The following NRXN3 variants were observed in gnomAD, a reference collection of about 807,000 sequenced individuals.
The protein encoded by NRXN3 is neurexin III.
NRXN3 carries 32 observed loss-of-function variants against 137.6 expected under a neutral mutation model. The observed-to-expected ratio is 0.23, with a 90% CI of 0.18 to 0.31. NRXN3 has a LOEUF of 0.31. Among genes scored for constraint, NRXN3 ranks in the 10% least tolerant of loss-of-function variants. NRXN3 has a pLI of 1.00. For synonymous variants in NRXN3, 798 were observed against 784.5 expected, an observed-to-expected ratio of 1.02 and a Z score of -0.29; for missense variants, 1,574 against 2,062.5, an observed-to-expected ratio of 0.76 and a Z score of 4.59.
chr14:79,071,205 G>A (rs183802135), intron 15 of NRXN3, among the ~76,000 whole-genome samples: 9 of 122,306 alleles, frequency 7.4e-5, no homozygotes, highest in African/African-American at 1.1e-4. Flanking sequence ...CTAATTTAGC[G>A]GAAGAAACAC....
At chr14:79,115,265 C>T (rs530453933) in intron 15 of NRXN3, among the ~76,000 whole-genome samples, 6 of 145,538 alleles carry the variant, frequency 4.1e-5, no homozygotes, top group Admixed American at 1.4e-4. Context: ...ACGGAGGCTG[C>T]GGTCAGCCGA....
intron 16 of NRXN3, among the ~76,000 whole-genome samples, chr14:79,578,363 G>T (rs1292919796): frequency 6.6e-6 from 1 of 152,110 alleles, no homozygotes; most frequent in African/African-American, 2.4e-5. Context: ...TGGTGTCTGC[G>T]GTTTTTGGAG....
intron 11 of NRXN3, among the ~76,000 whole-genome samples, chr14:78,964,262 A>T (rs2099413401): frequency 3.3e-5 from 5 of 152,216 alleles, no homozygotes; most frequent in Admixed American, 2.0e-4. Flanking sequence ...GGCAAATATC[A>T]TTTTAATTAG....
intron 15 of NRXN3, among the ~76,000 whole-genome samples, chr14:79,095,842 C>T (rs2050214262): frequency 6.6e-6 from 1 of 152,058 alleles, no homozygotes; most frequent in Non-Finnish European, 1.5e-5. Context: ...TTCCTTCCTT[C>T]CTACTGATTA....
chr14:78,314,909 T>G (rs1174966229), intron 4 of NRXN3, among the ~76,000 whole-genome samples: 2 of 110,992 alleles, frequency 1.8e-5, no homozygotes, highest in Admixed American at 8.5e-5. Context: ...CTTTCTTTCT[T>G]TCTTTCTTTC....
intron 15 of NRXN3, among the ~76,000 whole-genome samples, chr14:79,458,268 A>G (rs1346388055): frequency 6.6e-6 from 1 of 152,208 alleles, no homozygotes; most frequent in African/African-American, 2.4e-5. Context: ...AAATTCACCA[A>G]AGAAAAATCA....
At chr14:78,585,921 G>T (rs1391301208) in intron 4 of NRXN3, among the ~76,000 whole-genome samples, 1 of 152,164 alleles carries the variant, frequency 6.6e-6, no homozygotes, top group South Asian at 2.1e-4. Flanking sequence ...AGAATCATTA[G>T]CATACACATG....
intron 15 of NRXN3, among the ~76,000 whole-genome samples, chr14:79,231,812 A>G (rs2072254833): frequency 6.6e-6 from 1 of 152,164 alleles, no homozygotes; most frequent in African/African-American, 2.4e-5. Context: ...CTTTTGTTTT[A>G]TGAAATAGTA....
chr14:78,498,960 C>T (rs1029375106), intron 4 of NRXN3, among the ~76,000 whole-genome samples: 2 of 151,948 alleles, frequency 1.3e-5, no homozygotes, highest in African/African-American at 4.8e-5. Context: ...GTCATGTTAC[C>T]TTGGGCAATG....
intron 19 of NRXN3, among the ~76,000 whole-genome samples, chr14:79,799,475 A>AAGTC (rs2099170425): frequency 6.6e-6 from 1 of 152,198 alleles, no homozygotes; most frequent in Non-Finnish European, 1.5e-5. Flanking sequence ...GAAAGGAGAG[A>AAGTC]AGTCTGATAG....
chr14:79,119,676 C>A (rs2055081564), intron 15 of NRXN3, among the ~76,000 whole-genome samples: 1 of 152,110 alleles, frequency 6.6e-6, no homozygotes, highest in African/African-American at 2.4e-5. Context: ...TCTCTGAGCC[C>A]CATTTCACTA....
intron 19 of NRXN3, among the ~76,000 whole-genome samples, chr14:79,775,148 G>T (rs908155446): frequency 6.6e-6 from 1 of 152,106 alleles, no homozygotes; most frequent in Admixed American, 6.6e-5. Context: ...GTAATTCTAT[G>T]ATCTATTAAT....
intron 16 of NRXN3, among the ~76,000 whole-genome samples, chr14:79,627,581 T>A (rs2098296370): frequency 6.6e-6 from 1 of 152,368 alleles, no homozygotes; most frequent in South Asian, 2.1e-4. Context: ...ATTAAATAGC[T>A]ACCACAGCCT....
chr14:79,395,354 T>C (rs1406592541), intron 15 of NRXN3, among the ~76,000 whole-genome samples: 1 of 152,172 alleles, frequency 6.6e-6, no homozygotes, highest in Non-Finnish European at 1.5e-5. Context: ...TGTAAGGCAT[T>C]TGATTCCAGA....
intron 10 of NRXN3, among the ~76,000 whole-genome samples, chr14:78,940,272 G>A (rs917004961): frequency 1.3e-5 from 2 of 152,100 alleles, no homozygotes; most frequent in African/African-American, 4.8e-5. Context: ...AAAAGCATAA[G>A]CTTTGCTTTC....
intron 15 of NRXN3, among the ~76,000 whole-genome samples, chr14:79,302,502 CT>C (rs1439951393): frequency 6.6e-6 from 1 of 151,892 alleles, no homozygotes; most frequent in African/African-American, 2.4e-5. Flanking sequence ...ACAATCAGAT[CT>C]CATGGTAACT....
intron 6 of NRXN3, among the ~76,000 whole-genome samples, chr14:78,697,034 A>G (rs1293593631): frequency 6.6e-6 from 1 of 152,102 alleles, no homozygotes; most frequent in African/African-American, 2.4e-5. Context: ...ACAGTACAAC[A>G]GTCTTCCTTA....
At chr14:79,835,393 G>A (rs1324862580) in intron 20 of NRXN3, among the ~76,000 whole-genome samples, 1 of 152,124 alleles carries the variant, frequency 6.6e-6, no homozygotes, top group Non-Finnish European at 1.5e-5. Context: ...TGCAGACAGT[G>A]TCATTTAAAA....
intron 8 of NRXN3, among the ~76,000 whole-genome samples, chr14:78,751,132 C>A (rs1165390977): frequency 6.6e-6 from 1 of 152,030 alleles, no homozygotes; most frequent in Non-Finnish European, 1.5e-5. Flanking sequence ...GCCTTTTTCC[C>A]CCCACTATAT....
Sources: allele counts gnomAD v4.1 joint callset (sites outside exome capture counted in the v4.1 genomes callset), GRCh38; gene constraint gnomAD v4.1.1; transcripts MANE v1.5; gene names NCBI Gene and HGNC (gene_info 2026-07-23, HGNC 2026-07-21).